ABLIM1: variants seen among roughly 807,000 people sequenced by gnomAD.
ABLIM1 encodes actin binding LIM protein 1, also known as actin-binding LIM protein 1.
ABLIM1 carries 40 observed loss-of-function variants against 107.0 expected under a neutral mutation model. The observed-to-expected ratio is 0.37, with a 90% CI of 0.29 to 0.49. The LOEUF (loss-of-function observed/expected upper bound fraction) is 0.49. ABLIM1 is among the 20% of genes least tolerant of loss of function. The pLI is 0.97. For missense variants in ABLIM1, 857 were observed against 1,008.5 expected, an observed-to-expected ratio of 0.85 and a Z score of 2.04; for synonymous variants, 357 against 357.3, an observed-to-expected ratio of 1.00 and a Z score of 0.01.
At chr10:114,501,172 T>C (rs573086082) in intron 6 of ABLIM1, among the ~76,000 whole-genome samples, 15 of 152,052 alleles carry the variant, frequency 9.9e-5, no homozygotes, top group Non-Finnish European at 1.5e-5. Flanking sequence ...CCCACCTGAC[T>C]CTCCCAGCCA....
chr10:114,676,081 AG>A lies in ABLIM1; in HGVS notation c.64+8208del, dbSNP rs557030197. On this transcript the variant is annotated intron_variant, in intron 1 of 23. Transcript: ENST00000369256. Reference sequence around the variant, plus strand: ...GATTAGGACTTCAGCGTCCTTTGTGAGGACACAATTCAATGCATAACCAGAA... The same window carrying A: ...GATTAGGACTTCAGCGTCCTTTGTGAGACACAATTCAATGCATAACCAGAA... Among the ~76,000 whole-genome samples, 96 of 152,344 alleles carry A rather than the reference AG, an allele frequency of 6.3e-4. No individual in the cohort carries two copies. In the South Asian group the frequency reaches 9.7e-3, roughly 15 times the overall value.
At chr10:114,717,226 G>A (rs1006817121) in intron 1 of ABLIM1, among the ~76,000 whole-genome samples, 1 of 152,118 alleles carries the variant, frequency 6.6e-6, no homozygotes, top group Non-Finnish European at 1.5e-5. Context: ...GCTTCTACTC[G>A]TGGGAAGAAA....
intron 1 of ABLIM1, among the ~76,000 whole-genome samples, chr10:114,767,226 T>C (rs2082916697): frequency 6.6e-6 from 1 of 152,226 alleles, no homozygotes; most frequent in Non-Finnish European, 1.5e-5. Context: ...CAACTCCTCT[T>C]ACAGGTTGCC....
chr10:114,773,740 C>CA, the ABLIM1 span, among the ~76,000 whole-genome samples: 2 of 151,704 alleles, frequency 1.3e-5, no homozygotes, highest in East Asian at 3.9e-4. Context: ...ACAAACAAAA[C>CA]AAAAAAATTG....
chr10:114,456,149 G>C (rs1008491863), intron 12 of ABLIM1, among the ~76,000 whole-genome samples: 3 of 152,168 alleles, frequency 2.0e-5, no homozygotes, highest in Non-Finnish European at 2.9e-5. Flanking sequence ...ACATATAGCA[G>C]GTCCTTGAAG....
intron 2 of ABLIM1, among the ~76,000 whole-genome samples, chr10:114,596,175 C>T (rs998871797): frequency 1.3e-5 from 2 of 152,176 alleles, no homozygotes; most frequent in African/African-American, 4.8e-5. Flanking sequence ...CCTGCTACTG[C>T]CTTACACTAT....
upstream of ABLIM1, among the ~76,000 whole-genome samples, chr10:114,769,292 G>A (rs1053260588): frequency 1.3e-5 from 2 of 149,630 alleles, no homozygotes; most frequent in South Asian, 2.1e-4. Flanking sequence ...GCAGTGAGCC[G>A]AGATCACGGC....
In ABLIM1 at chr10:114,435,516, T is replaced by C. The variant is rs1176667715; in HGVS notation, c.*744A>G. 6.6e-6 allele frequency: 1 copy of C among 152,228 alleles called. No homozygotes were observed. Among genetic ancestry groups the C allele is most frequent in the African/African-American group, 2.4e-5 (1 of 41,446 alleles). The allele number at this position is 152,228 out of a possible 1,614,324, so 9.4% of individuals were successfully genotyped here. A position where few individuals can be genotyped will look rare whatever the true frequency, so the allele number is the denominator to read the frequency against. ...CTAGGCGGGGAGCAGGAACCAGACC[T>C]GCTATGGGAAGCAGAAAGAGTTAAG... On this transcript the variant is annotated 3_prime_UTR_variant, in exon 23 of 23. Transcript: ENST00000533213.
Position 114,468,220 on chromosome 10 carries a change from G to A in ABLIM1, c.1276-4C>T. 6.2e-7 allele frequency: 1 copy of A among 1,612,126 alleles called. No individual in the cohort carries two copies. ...TAGGAGACAAAGTCCTCGGAGACTA[G>A]AAAAATAAAAGAGAATTTAAAGTCA... On this transcript the variant is annotated splice_region_variant and splice_polypyrimidine_tract_variant and intron_variant, in intron 10 of 22. Transcript: ENST00000533213.
chr10:114,775,207 G>A, the ABLIM1 span, among the ~76,000 whole-genome samples: 1 of 152,144 alleles, frequency 6.6e-6, no homozygotes, highest in Middle Eastern at 3.4e-3. Context: ...TGGGGAAACC[G>A]CCCCCATGAT....
intron 13 of ABLIM1, among the ~76,000 whole-genome samples, chr10:114,452,744 T>C (rs2062094460): frequency 6.6e-6 from 1 of 152,198 alleles, no homozygotes; most frequent in African/African-American, 2.4e-5. Flanking sequence ...CTCTGATTAT[T>C]TCAGTTTCTG....
In ABLIM1 at chr10:114,728,601, AAAAAAT is replaced by A. The variant is rs1346674292; in HGVS notation, c.-213+39454_-213+39459del. Among the ~76,000 whole-genome samples the A allele has an allele frequency of 9.4e-4, 142 of 151,858 alleles. 1 individual carries two copies. The highest frequency in any genetic ancestry group is 3.3e-3 in the African/African-American group (138 of 41,358). On this transcript the variant is annotated intron_variant, in intron 1 of 15. Transcript: ENST00000651092. ...AGACAAAATGGAGAGCCAAAAAAAA[AAAAAAT>A]AGAAAAAACAAAAAGCAAGCTGTGG... is the stretch of plus-strand genomic sequence containing the variant.
At position 114,707,922 on chromosome 10, in the gene ABLIM1, C is replaced by CA. The variant is rs1566259374; in HGVS notation, c.-213+60138dup. ...GTCTCAAAACAAACAAACAAACAAACAACAACAACAACAAAAAACCTAATT... is the reference window on the plus strand; with the variant it reads ...GTCTCAAAACAAACAAACAAACAAACAAACAACAACAACAAAAAACCTAATT... On this transcript the variant is annotated intron_variant, in intron 1 of 15. Coordinates refer to the ABLIM1 transcript ENST00000651092. This position sits in a 1 kb window ranked among gnomAD's most constrained non-coding sequence, Gnocchi z 4.1. Among the ~76,000 whole-genome samples the CA allele has an allele frequency of 3.2e-4, 48 of 149,168 alleles. No homozygotes were observed. Among genetic ancestry groups the CA allele is most frequent in the Middle Eastern group, 3.4e-3 (1 of 294 alleles).
intron 1 of ABLIM1, among the ~76,000 whole-genome samples, chr10:114,655,779 A>G (rs1218872302): frequency 6.6e-6 from 1 of 152,160 alleles, no homozygotes; most frequent in African/African-American, 2.4e-5. Context: ...GCTCCCCTAA[A>G]AAGGAATGTG....
chr10:114,520,015 T>G (rs2063496113), intron 6 of ABLIM1, among the ~76,000 whole-genome samples: 2 of 152,170 alleles, frequency 1.3e-5, no homozygotes, highest in African/African-American at 4.8e-5. Context: ...GCTGGAAAAT[T>G]CAAGCTGTAA....
intron 4 of ABLIM1, among the ~76,000 whole-genome samples, chr10:114,549,664 T>G (rs1384245718): frequency 6.6e-6 from 1 of 152,208 alleles, no homozygotes; most frequent in African/African-American, 2.4e-5. Flanking sequence ...TGCATGCATA[T>G]GTTCCCTACA....
At chr10:114,632,586 G>A in intron 1 of ABLIM1, 2 of 985,360 alleles carry the variant, frequency 2.0e-6, no homozygotes, top group Non-Finnish European at 2.4e-6. Flanking sequence ...GCTGCTCCCC[G>A]CTATAATTTA....
intron 2 of ABLIM1, among the ~76,000 whole-genome samples, chr10:114,577,323 A>C (rs1232666848): frequency 6.6e-6 from 1 of 152,218 alleles, no homozygotes; most frequent in African/African-American, 2.4e-5. Flanking sequence ...CTGATGACTC[A>C]GTTATTTTTC....
the ABLIM1 span, among the ~76,000 whole-genome samples, chr10:114,784,665 CAAAAAAAAAAAAAAAAAAGAAAAAG>C: frequency 3.4e-5 from 3 of 87,998 alleles, no homozygotes; most frequent in African/African-American, 4.3e-5. Context: ...AGACTCACCT[CAAAAAAAAAAAAAAAAAAGAAAAAG>C]AAAAAAAAAA....
Sources: gnomAD v4.1 joint callset for allele counts (sites outside exome capture counted in the v4.1 genomes callset) on GRCh38, gnomAD v4.1.1 for gene constraint, Gnocchi (gnomAD v3.1) non-coding constraint, MANE v1.5 for transcripts, NCBI Gene and HGNC (gene_info 2026-07-23, HGNC 2026-07-21) for gene names.